ABAT: variants seen among roughly 807,000 people sequenced by gnomAD.
ABAT encodes 4-aminobutyrate aminotransferase, mitochondrial.
In ABAT, 45 loss-of-function variants were observed where a neutral mutation model predicts 64.6. That is an observed-to-expected ratio of 0.70 (90% CI 0.55 to 0.89). The LOEUF is 0.89. ABAT is among the 40% of genes least tolerant of loss of function. The probability of loss-of-function intolerance (pLI) is 0.00; values close to 1 mark genes in which losing one functional copy is unlikely to be tolerated. For synonymous variants in ABAT, 297 were observed against 250.5 expected, an observed-to-expected ratio of 1.19 and a Z score of -1.75; for missense variants, 633 against 658.4, an observed-to-expected ratio of 0.96 and a Z score of 0.42.
intron 1 of ABAT, among the ~76,000 whole-genome samples, chr16:8,721,175 G>GGGGA (rs1353571745): frequency 6.6e-6 from 1 of 152,142 alleles, no homozygotes; most frequent in Admixed American, 6.6e-5. Flanking sequence ...GTCTAGTCTG[G>GGGGA]GGGTAAGATC....
At chr16:8,720,945 C>A (rs575717607) in intron 1 of ABAT, 1 of 152,266 alleles carries the variant, frequency 6.6e-6, no homozygotes, top group East Asian at 1.9e-4. Flanking sequence ...GTGAGTCAGA[C>A]GCCATCTTCA....
rs1273407 is a variant in ABAT, at chr16:8,768,735, T to C, written c.668-90T>C. 1,576,174 of 1,576,218 alleles carry C rather than the reference T, an allele frequency of 1. 788,065 individuals carry two copies. The highest frequency in any genetic ancestry group is 1 in the Middle Eastern group (5,988 of 5,988). On this transcript the variant is annotated intron_variant, in intron 10 of 15. Transcript: ENST00000268251. Reference sequence around the variant, plus strand: ...AGGCCTCCCTGCCCACTGACAGCCTTGCGCTGAAATGTCTATCATCTCCTT... The same window carrying C: ...AGGCCTCCCTGCCCACTGACAGCCTCGCGCTGAAATGTCTATCATCTCCTT...
At chr16:8,678,211 T>A (rs1003481411) in intron 1 of ABAT, among the ~76,000 whole-genome samples, 3 of 152,236 alleles carry the variant, frequency 2.0e-5, no homozygotes, top group Non-Finnish European at 4.4e-5. Flanking sequence ...TACACAAGAC[T>A]TTCTTGTCTG....
chr16:8,744,244 TG>T (rs1395159398), intron 2 of ABAT, among the ~76,000 whole-genome samples: 1 of 152,162 alleles, frequency 6.6e-6, no homozygotes, highest in Non-Finnish European at 1.5e-5. Context: ...GGAAGCATGA[TG>T]CTGGCATGTG....
At chr16:8,755,756 C>CAA (rs34651404) in intron 5 of ABAT, among the ~76,000 whole-genome samples, 1 of 151,202 alleles carries the variant, frequency 6.6e-6, no homozygotes, top group Non-Finnish European at 1.5e-5. Flanking sequence ...ACTAAAAATA[C>CAA]AAAAAAATTG....
intron 14 of ABAT, among the ~76,000 whole-genome samples, chr16:8,777,575 G>GGGTGTGT (rs2060303924): frequency 6.6e-6 from 1 of 151,618 alleles, no homozygotes; most frequent in East Asian, 1.9e-4. Flanking sequence ...AGGACGTGTG[G>GGGTGTGT]GGATGTGTGT....
At chr16:8,747,635 G>A (rs538938499) in intron 3 of ABAT, among the ~76,000 whole-genome samples, 5 of 152,100 alleles carry the variant, frequency 3.3e-5, no homozygotes, top group South Asian at 2.1e-4. Context: ...ATATCAAAGC[G>A]GCTAGTTTCT....
At chr16:8,734,468 CTG>C (rs1036892294) in intron 1 of ABAT, among the ~76,000 whole-genome samples, 2 of 152,168 alleles carry the variant, frequency 1.3e-5, no homozygotes, top group Non-Finnish European at 2.9e-5. Context: ...TTTGCTGACT[CTG>C]GGGTCACACA....
At chr16:8,779,685 T>C in intron 15 of ABAT, 95 bp downstream of exon 15, 2 of 995,094 alleles carry the variant, frequency 2.0e-6, no homozygotes, top group East Asian at 4.9e-5. Context: ...ATATTTTGTG[T>C]GGGGGGCAGG....
chr16:8,739,780 T>A (rs1731027), intron 2 of ABAT, among the ~76,000 whole-genome samples: 43,542 of 151,644 alleles, frequency 0.29, 6,342 homozygotes, highest in South Asian at 0.37. Flanking sequence ...AAAATAGAAA[T>A]GGCTAAATCA....
intron 2 of ABAT, among the ~76,000 whole-genome samples, chr16:8,738,085 C>G (rs2059035345): frequency 1.3e-5 from 2 of 151,602 alleles, no homozygotes; most frequent in Non-Finnish European, 1.5e-5. Context: ...ATTTGGGAGG[C>G]TGAGGCAGGA....
intron 1 of ABAT, chr16:8,731,451 C>G (rs991331098): frequency 1.3e-5 from 2 of 152,160 alleles, no homozygotes; most frequent in African/African-American, 4.8e-5. Context: ...CCACAGCAAA[C>G]TTATAGAGAG....
rs1228835110 is a variant in ABAT, at chr16:8,783,100, C to A, written c.*1670C>A. On this transcript the variant is annotated 3_prime_UTR_variant, in exon 16 of 16. Transcript: ENST00000268251. ...CGTCGTTCTTAATCAGGAGTTCTGC[C>A]AGGTTTAAGGTCACCTGCACTCCCA... is the stretch of plus-strand genomic sequence containing the variant. 2 of 152,118 alleles carry A rather than the reference C, an allele frequency of 1.3e-5. No individual in the cohort carries two copies. Among genetic ancestry groups the A allele is most frequent in the Admixed American group, 1.3e-4 (2 of 15,268 alleles). 9.4% of individuals were successfully genotyped at this position (152,118 alleles called of 1,614,324 possible).
chr16:8,777,679 G>T (rs1484748164), intron 14 of ABAT, among the ~76,000 whole-genome samples: 1 of 152,130 alleles, frequency 6.6e-6, no homozygotes, highest in South Asian at 2.1e-4. Flanking sequence ...GAGAGGGAGG[G>T]GTGTGTTCAA....
chr16:8,781,583 G>A lies in ABAT; in HGVS notation c.*153G>A. On this transcript the variant is annotated 3_prime_UTR_variant, in exon 16 of 16. Transcript: ENST00000268251. This position sits in a 1 kb window ranked among gnomAD's most constrained non-coding sequence, Gnocchi z 4.5. ...AGGGAGCATTTTTGGTGGTCTTGGG[G>A]GAGGGGAGGGGAGGGAAGGGCTGGT... 2 of 922,746 alleles carry A rather than the reference G, an allele frequency of 2.2e-6. No homozygotes were observed. Among genetic ancestry groups the A allele is most frequent in the South Asian group, 1.4e-5 (1 of 70,470 alleles). 57.2% of individuals were successfully genotyped at this position (922,746 alleles called of 1,614,324 possible).
intron 1 of ABAT, among the ~76,000 whole-genome samples, chr16:8,706,404 CAAAAAAAA>C (rs56329419): frequency 2.1e-5 from 2 of 95,056 alleles, no homozygotes; most frequent in East Asian, 2.9e-4. Flanking sequence ...GACCCTGTTT[CAAAAAAAA>C]AAAAAAAAAA....
chr16:8,718,983 C>A (rs2058289204), intron 1 of ABAT, among the ~76,000 whole-genome samples: 1 of 152,226 alleles, frequency 6.6e-6, no homozygotes, highest in African/African-American at 2.4e-5. Context: ...TTGTTATACG[C>A]TGTGATTTTT....
At chr16:8,677,939 G>T (rs893640669) in intron 1 of ABAT, among the ~76,000 whole-genome samples, 1 of 152,024 alleles carries the variant, frequency 6.6e-6, no homozygotes, top group East Asian at 1.9e-4. Context: ...TGCGCCTGTA[G>T]TCCTAGCAAC....
At chr16:8,728,917 T>A (rs1012798890) in intron 1 of ABAT, among the ~76,000 whole-genome samples, 1 of 152,178 alleles carries the variant, frequency 6.6e-6, no homozygotes, top group African/African-American at 2.4e-5. Flanking sequence ...GGCCACACTT[T>A]CCAAGCCCAC....
Sources: allele counts gnomAD v4.1 joint callset (sites outside exome capture counted in the v4.1 genomes callset), GRCh38; gene constraint gnomAD v4.1.1; non-coding constraint Gnocchi (gnomAD v3.1); transcripts MANE v1.5; gene names NCBI Gene and HGNC (gene_info 2026-07-23, HGNC 2026-07-21).